AUTS2: variants seen among roughly 807,000 people sequenced by gnomAD.
The protein encoded by AUTS2 is autism susceptibility gene 2 protein.
A neutral mutation model predicts 112.4 loss-of-function variants in AUTS2; 17 were observed. The ratio of observed to expected loss-of-function variants is 0.15; its 90% CI spans 0.10 to 0.23. The LOEUF is 0.23. AUTS2 is among the 10% of genes least tolerant of loss of function. The pLI is 1.00. For missense variants in AUTS2, 1,510 were observed against 1,701.6 expected (o/e 0.89, Z 1.98); for synonymous variants, 751 against 702.7 (o/e 1.07, Z -1.09).
At chr7:70,140,224 T>C (rs1275626048) in intron 4 of AUTS2, among the ~76,000 whole-genome samples, 3 of 152,192 alleles carry the variant, frequency 2.0e-5, no homozygotes, top group Admixed American at 1.3e-4. Context: ...TGTTGTGTGC[T>C]TCAATTAGGA....
intron 5 of AUTS2, among the ~76,000 whole-genome samples, chr7:70,568,436 C>T (rs768458047): frequency 7.2e-5 from 11 of 152,150 alleles, no homozygotes; most frequent in Non-Finnish European, 1.6e-4. Flanking sequence ...TTAAAGTGTT[C>T]GCAGTTGTTA....
chr7:70,412,254 C>G (rs1562942649), intron 4 of AUTS2, among the ~76,000 whole-genome samples: 1 of 152,122 alleles, frequency 6.6e-6, no homozygotes, highest in East Asian at 1.9e-4. Context: ...ACAAACTATC[C>G]CTTGATAACC....
intron 5 of AUTS2, among the ~76,000 whole-genome samples, chr7:70,530,259 G>T (rs764750305): frequency 4.6e-5 from 7 of 152,190 alleles, no homozygotes; most frequent in Admixed American, 1.3e-4. Context: ...GATTAAAATT[G>T]TATCAAAGAG....
chr7:70,225,655 A>G (rs766896692), intron 4 of AUTS2, among the ~76,000 whole-genome samples: 4 of 152,178 alleles, frequency 2.6e-5, no homozygotes, highest in Non-Finnish European at 4.4e-5. Flanking sequence ...AAAATGTTAT[A>G]TGTAGCAAAA....
chr7:69,963,163 G>A (rs1778215347), intron 2 of AUTS2, among the ~76,000 whole-genome samples: 1 of 152,104 alleles, frequency 6.6e-6, no homozygotes, highest in African/African-American at 2.4e-5. Flanking sequence ...ATGAAAATAA[G>A]TTGCTGCAGA....
At chr7:70,495,618 T>G (rs1327474590) in intron 5 of AUTS2, among the ~76,000 whole-genome samples, 2 of 111,994 alleles carry the variant, frequency 1.8e-5, no homozygotes, top group African/African-American at 6.8e-5. Flanking sequence ...ACGTACACAG[T>G]CGCACACACA....
chr7:70,000,283 G>A (rs985828820), intron 2 of AUTS2, among the ~76,000 whole-genome samples: 10 of 152,270 alleles, frequency 6.6e-5, no homozygotes, highest in Admixed American at 5.9e-4. Context: ...GTCAGAAGAG[G>A]TATGCAATGG....
chr7:70,588,078 G>A (rs2129528023), intron 5 of AUTS2, among the ~76,000 whole-genome samples: 1 of 152,258 alleles, frequency 6.6e-6, no homozygotes, highest in East Asian at 1.9e-4. Context: ...AAGATGGTTG[G>A]TCAGATGAAT....
chr7:69,723,037 A>C (rs950228174), intron 1 of AUTS2, among the ~76,000 whole-genome samples: 1 of 152,066 alleles, frequency 6.6e-6, no homozygotes, highest in Non-Finnish European at 1.5e-5. Context: ...GTTCAGAAGC[A>C]AGAGGGAGGA....
intron 4 of AUTS2, among the ~76,000 whole-genome samples, chr7:70,405,549 T>A (rs1278076149): frequency 6.6e-6 from 1 of 152,220 alleles, no homozygotes; most frequent in Non-Finnish European, 1.5e-5. Context: ...TCCCAGCATA[T>A]GATAGAAGAC....
At chr7:70,411,273 GAT>G (rs1794765412) in intron 4 of AUTS2, among the ~76,000 whole-genome samples, 1 of 152,192 alleles carries the variant, frequency 6.6e-6, no homozygotes, top group South Asian at 2.1e-4. Flanking sequence ...ACTGCTGGAT[GAT>G]ATATTCCCCT....
intron 2 of AUTS2, among the ~76,000 whole-genome samples, chr7:70,060,650 A>T (rs1802202126): frequency 6.6e-6 from 1 of 152,258 alleles, no homozygotes; most frequent in Non-Finnish European, 1.5e-5. Context: ...TAATATTACA[A>T]TATCTTACTA....
Position 70,235,936 on chromosome 7 carries a change from T to C in AUTS2, c.660+101365T>C, listed in dbSNP as rs1269862881. 2.6e-5 allele frequency among the ~76,000 whole-genome samples: 4 copies of C among 152,290 alleles called. No homozygotes were observed. The East Asian group carries it at 7.7e-4, about 29-fold the overall frequency. ...GGCTCCCATCTACTCAGATGTCCTG[T>C]CTTCACAGGGGCCCTCTTTGACCAC... On this transcript the variant is annotated intron_variant, in intron 4 of 18. Coordinates refer to ENST00000342771, the MANE Select transcript of AUTS2 (RefSeq NM_015570.4).
At chr7:70,513,525 A>C (rs536089346) in intron 5 of AUTS2, among the ~76,000 whole-genome samples, 20 of 152,332 alleles carry the variant, frequency 1.3e-4, no homozygotes, top group Admixed American at 1.2e-3. Flanking sequence ...CACCACAGCA[A>C]ACCCCACTGG....
intron 2 of AUTS2, among the ~76,000 whole-genome samples, chr7:70,065,560 G>T (rs1042131158): frequency 5.9e-5 from 9 of 152,066 alleles, no homozygotes; most frequent in South Asian, 2.1e-4. Context: ...GCTGGGTGTG[G>T]TGGCACCATG....
chr7:70,248,526 C>G (rs576646912), intron 4 of AUTS2, among the ~76,000 whole-genome samples: 3 of 152,226 alleles, frequency 2.0e-5, no homozygotes, highest in Admixed American at 2.0e-4. Flanking sequence ...TTTTAAAAAG[C>G]TCTTCTGACC....
chr7:69,927,034 G>A (rs939412919), intron 2 of AUTS2, among the ~76,000 whole-genome samples: 1 of 147,264 alleles, frequency 6.8e-6, no homozygotes, highest in Non-Finnish European at 1.5e-5. Flanking sequence ...TAGCTAATAA[G>A]GGAGCAAAAG....
At chr7:69,959,917 C>T (rs768611872) in intron 2 of AUTS2, among the ~76,000 whole-genome samples, 2 of 151,946 alleles carry the variant, frequency 1.3e-5, no homozygotes, top group Admixed American at 6.6e-5. Context: ...GGTCTGAGTC[C>T]GAGTCTGTCT....
intron 1 of AUTS2, among the ~76,000 whole-genome samples, chr7:69,800,517 C>T (rs1790036233): frequency 6.6e-6 from 1 of 152,126 alleles, no homozygotes; most frequent in Non-Finnish European, 1.5e-5. Context: ...ATTGGGGTGA[C>T]ATTGTGAAGT....
Sources: allele counts gnomAD v4.1 joint callset (sites outside exome capture counted in the v4.1 genomes callset), GRCh38; gene constraint gnomAD v4.1.1; transcripts MANE v1.5; gene names NCBI Gene and HGNC (gene_info 2026-07-23, HGNC 2026-07-21).